The following METTL15 variants were observed in gnomAD, a reference collection of about 807,000 sequenced individuals.
The protein encoded by METTL15 is methyltransferase 15, mitochondrial 12S rRNA N4-cytidine, also known as 12S rRNA N(4)-cytidine methyltransferase METTL15.
A neutral mutation model predicts 38.3 loss-of-function variants in METTL15; 34 were observed. That is an observed-to-expected ratio of 0.89 (90% CI 0.68 to 1.18). The LOEUF is 1.18. Ranked by LOEUF, METTL15 falls within the 50% of genes most tolerant of loss-of-function variation. The pLI, the probability that METTL15 is intolerant of heterozygous loss-of-function variation, is 0.00. For synonymous variants in METTL15, 162 were observed against 170.9 expected, an observed-to-expected ratio of 0.95 and a Z score of 0.41; for missense variants, 438 against 498.4, an observed-to-expected ratio of 0.88 and a Z score of 1.15.
intron 6 of METTL15, among the ~76,000 whole-genome samples, chr11:28,302,917 A>G (rs1856960672): frequency 6.6e-6 from 1 of 152,110 alleles, no homozygotes; most frequent in Non-Finnish European, 1.5e-5. Context: ...CACATATAAA[A>G]ATTCTCAAGC....
chr11:28,479,173 TTTTA>T (rs1430522590), intron 6 of METTL15, among the ~76,000 whole-genome samples: 1 of 152,118 alleles, frequency 6.6e-6, no homozygotes, highest in Non-Finnish European at 1.5e-5. Flanking sequence ...TGCTATTTTG[TTTTA>T]TTTGTTGATT....
chr11:28,259,724 C>T (rs1436752731), intron 4 of METTL15, among the ~76,000 whole-genome samples: 1 of 152,212 alleles, frequency 6.6e-6, no homozygotes, highest in African/African-American at 2.4e-5. Flanking sequence ...CACGCCTCTA[C>T]TGCAGGTGAT....
chr11:28,234,741 C>G (rs1262734920), intron 4 of METTL15, among the ~76,000 whole-genome samples: 18 of 140,038 alleles, frequency 1.3e-4, no homozygotes, highest in Admixed American at 8.5e-4. Context: ...AAAATTTTCT[C>G]CCATTTTGTA....
chr11:28,378,833 G>A (rs1435935991), intron 5 of METTL15, among the ~76,000 whole-genome samples: 1 of 142,790 alleles, frequency 7.0e-6, no homozygotes, highest in Non-Finnish European at 1.5e-5. Context: ...GTAGAATTCA[G>A]GTGAAGCCAT....
At chr11:28,278,291 T>C (rs1293844753) in intron 4 of METTL15, among the ~76,000 whole-genome samples, 1 of 152,202 alleles carries the variant, frequency 6.6e-6, no homozygotes, top group African/African-American at 2.4e-5. Flanking sequence ...AATATAGGAT[T>C]CAGCATTTGA....
intron 5 of METTL15, among the ~76,000 whole-genome samples, chr11:28,398,060 GGGGAATATCACACACCA>G (rs1850591223): frequency 6.6e-6 from 1 of 151,896 alleles, no homozygotes; most frequent in Non-Finnish European, 1.5e-5. Context: ...GGACCAGGAA[GGGGAATATCACACACCA>G]GGGCCTGTTG....
chr11:28,461,375 C>A (rs1167659500), intron 6 of METTL15, among the ~76,000 whole-genome samples: 1 of 152,024 alleles, frequency 6.6e-6, no homozygotes, highest in Non-Finnish European at 1.5e-5. Context: ...TCATGAGGAA[C>A]CAAACTGTAT....
intron 5 of METTL15, among the ~76,000 whole-genome samples, chr11:28,413,556 G>A (rs1359056995): frequency 6.6e-6 from 1 of 152,112 alleles, no homozygotes; most frequent in Non-Finnish European, 1.5e-5. Context: ...TAATACTAAT[G>A]ACTTATGAAT....
At chr11:28,204,566 A>G (rs1852243045) in intron 3 of METTL15, among the ~76,000 whole-genome samples, 1 of 151,148 alleles carries the variant, frequency 6.6e-6, no homozygotes, top group Non-Finnish European at 1.5e-5. Flanking sequence ...ATAAGCAGAT[A>G]CAGACTTCAT....
intron 6 of METTL15, among the ~76,000 whole-genome samples, chr11:28,475,157 A>G (rs1472413423): frequency 6.6e-6 from 1 of 152,200 alleles, no homozygotes; most frequent in Non-Finnish European, 1.5e-5. Flanking sequence ...AGGTAAACCC[A>G]CTAGAAAGAA....
intron 4 of METTL15, among the ~76,000 whole-genome samples, chr11:28,279,639 G>T (rs1218048115): frequency 3.3e-5 from 5 of 152,098 alleles, no homozygotes; most frequent in Non-Finnish European, 7.4e-5. Context: ...GGTGGCTCAC[G>T]CCTGTAATCC....
intron 5 of METTL15, among the ~76,000 whole-genome samples, chr11:28,400,036 C>G (rs1460065545): frequency 2.0e-4 from 30 of 151,828 alleles, no homozygotes; most frequent in Non-Finnish European, 1.5e-4. Context: ...CTGGATTTGC[C>G]TCATCTTAGA....
intron 5 of METTL15, among the ~76,000 whole-genome samples, chr11:28,396,955 A>T (rs1423401372): frequency 2.3e-5 from 3 of 133,080 alleles, no homozygotes; most frequent in African/African-American, 9.3e-5. Flanking sequence ...CAACCATCTG[A>T]TCTTTGACAA....
intron 4 of METTL15, among the ~76,000 whole-genome samples, chr11:28,259,190 G>A (rs1359960488): frequency 2.0e-5 from 3 of 152,058 alleles, no homozygotes; most frequent in Non-Finnish European, 4.4e-5. Context: ...CTAGAGCCTG[G>A]GAGGGTGGCC....
intron 4 of METTL15, among the ~76,000 whole-genome samples, chr11:28,216,718 C>T (rs1034889938): frequency 1.5e-4 from 17 of 117,148 alleles, no homozygotes; most frequent in East Asian, 6.4e-4. Flanking sequence ...CCCCTCCCCC[C>T]ACCCCACAAC....
At chr11:28,467,810 A>G (rs781391037) in intron 6 of METTL15, among the ~76,000 whole-genome samples, 4 of 152,220 alleles carry the variant, frequency 2.6e-5, no homozygotes, top group Non-Finnish European at 4.4e-5. Context: ...AATATGCACA[A>G]TGAAGGAAAT....
intron 5 of METTL15, among the ~76,000 whole-genome samples, chr11:28,383,824 T>C (rs1379137346): frequency 6.6e-6 from 1 of 152,156 alleles, no homozygotes. Flanking sequence ...TTTTAACTTT[T>C]ATTTTAAGTT....
intron 4 of METTL15, among the ~76,000 whole-genome samples, chr11:28,283,330 T>C (rs990955813): frequency 7.2e-5 from 11 of 152,198 alleles, no homozygotes; most frequent in Non-Finnish European, 1.2e-4. Context: ...AGTACCCTTT[T>C]ATATCAAGCA....
intron 6 of METTL15, among the ~76,000 whole-genome samples, chr11:28,433,158 G>GTTTTT (rs1564930335): frequency 7.9e-5 from 9 of 113,614 alleles, no homozygotes; most frequent in Non-Finnish European, 8.1e-5. Context: ...CTCAGGTTTT[G>GTTTTT]TTTTGTTTTT....
Sources: gnomAD v4.1 joint callset for allele counts (sites outside exome capture counted in the v4.1 genomes callset) on GRCh38, gnomAD v4.1.1 for gene constraint, MANE v1.5 for transcripts, NCBI Gene and HGNC (gene_info 2026-07-23, HGNC 2026-07-21) for gene names.